The following WASF3 variants were observed in gnomAD, a reference collection of about 807,000 sequenced individuals.
WASF3 encodes the protein actin-binding protein WASF3.
In WASF3, 11 loss-of-function variants were observed where a neutral mutation model predicts 46.6. The ratio of observed to expected loss-of-function variants is 0.24; its 90% confidence interval spans 0.15 to 0.39. WASF3 has a LOEUF of 0.39. Ranked by LOEUF, WASF3 falls within the 10% of genes least tolerant of loss-of-function variation. The pLI is 1.00. For synonymous variants in WASF3, 242 were observed against 259.7 expected, an observed-to-expected ratio of 0.93 and a Z score of 0.65; for missense variants, 576 against 669.8, an observed-to-expected ratio of 0.86 and a Z score of 1.55.
At chr13:26,554,311 G>A (rs1415737692), upstream of WASF3, among the ~76,000 whole-genome samples, 4 of 151,530 alleles carry the variant, frequency 2.6e-5, no homozygotes, top group Non-Finnish European at 5.9e-5. Context: ...TTTAGTTTTT[G>A]CAAAGATGGG....
rs555830196 is a variant in WASF3, at chr13:26,624,744, A to G, written c.-11+11686A>G. Among the ~76,000 whole-genome samples the G allele has an allele frequency of 8.6e-4, 131 of 152,298 alleles. 1 individual carries two copies. The highest frequency in any genetic ancestry group is 3.1e-3 in the African/African-American group (127 of 41,574). ...TTGCAGGCAGCCATAGTTTAAAGAA[A>G]ATGAAACATTACAAACAGAGGAACA... is the stretch of plus-strand genomic sequence containing the variant. On this transcript the variant is annotated intron_variant, in intron 2 of 9. Coordinates refer to ENST00000335327, the MANE Select transcript of WASF3 (RefSeq NM_006646.6).
chr13:26,546,247 C>T, the WASF3 span, among the ~76,000 whole-genome samples: 8 of 152,152 alleles, frequency 5.3e-5, no homozygotes, highest in Middle Eastern at 3.2e-3. Context: ...GAAGCAAAAA[C>T]GCTTGAAGCA....
intron 1 of WASF3, among the ~76,000 whole-genome samples, chr13:26,605,841 G>T (rs962789348): frequency 6.6e-6 from 1 of 152,104 alleles, no homozygotes; most frequent in Non-Finnish European, 1.5e-5. Context: ...TTTTGTTGTG[G>T]TAATGAATAA....
Position 26,613,009 on chromosome 13 carries a change from G to T in WASF3, c.-60G>T, listed in dbSNP as rs1007210170. ...TACTACTGATAACTGAGCCAAAGTG[G>T]TGATGCTACTTGAGGGGAATTTCTG... On this transcript the variant is annotated 5_prime_UTR_variant, in exon 2 of 10. Coordinates refer to ENST00000335327, the MANE Select transcript of WASF3 (RefSeq NM_006646.6). 2 of 152,038 alleles carry T rather than the reference G, an allele frequency of 1.3e-5. No individual in the cohort carries two copies. Among genetic ancestry groups the T allele is most frequent in the African/African-American group, 4.8e-5 (2 of 41,426 alleles). 9.4% of individuals were successfully genotyped at this position (152,038 alleles called of 1,614,324 possible).
chr13:26,654,077 T>TGTCA (rs144189979), intron 3 of WASF3, among the ~76,000 whole-genome samples: 2,091 of 152,302 alleles, frequency 0.014, 54 homozygotes, highest in African/African-American at 0.047. Flanking sequence ...GCTGCCCTGA[T>TGTCA]GTCACTATTC....
intron 1 of WASF3, among the ~76,000 whole-genome samples, chr13:26,597,149 T>G (rs1461856484): frequency 6.6e-6 from 1 of 152,186 alleles, no homozygotes; most frequent in East Asian, 1.9e-4. Context: ...TATTATTATT[T>G]TTTTGAGACA....
chr13:26,582,481 G>A (rs1447700202), intron 1 of WASF3, among the ~76,000 whole-genome samples: 1 of 151,960 alleles, frequency 6.6e-6, no homozygotes, highest in Non-Finnish European at 1.5e-5. Context: ...TTCGAGAACA[G>A]CCTGGGCAAC....
intron 1 of WASF3, among the ~76,000 whole-genome samples, chr13:26,602,228 G>A (rs1880662955): frequency 6.6e-6 from 1 of 152,006 alleles, no homozygotes; most frequent in African/African-American, 2.4e-5. Context: ...GCAGCCTCTG[G>A]GCTTCAGAAA....
In WASF3 at chr13:26,687,300, C is replaced by T. The variant is rs957729165; in HGVS notation, c.*1455C>T. On this transcript the variant is annotated 3_prime_UTR_variant, in exon 10 of 10. Transcript: ENST00000335327. ...TTCATATCCATTGTGGTTAGTTACT[C>T]AGTTATGTTGAGAAGAATCTGGAGC... 3 of 152,156 alleles carry T rather than the reference C, an allele frequency of 2.0e-5. No homozygotes were observed. Among genetic ancestry groups the T allele is most frequent in the African/African-American group, 7.2e-5 (3 of 41,428 alleles). The allele number at this position is 152,156 out of a possible 1,614,324, so 9.4% of individuals were successfully genotyped here.
chr13:26,584,330 A>G (rs920826058), intron 1 of WASF3, among the ~76,000 whole-genome samples: 1 of 152,140 alleles, frequency 6.6e-6, no homozygotes, highest in Non-Finnish European at 1.5e-5. Flanking sequence ...TGTCTTTTTA[A>G]TTCCTGGGAA....
chr13:26,665,411 G>T (rs1007093989), intron 4 of WASF3, among the ~76,000 whole-genome samples: 1 of 152,046 alleles, frequency 6.6e-6, no homozygotes, highest in Non-Finnish European at 1.5e-5. Flanking sequence ...TTGTTTTAAA[G>T]GCTTCTTTGA....
At chr13:26,629,902 A>C (rs1881599756) in intron 2 of WASF3, among the ~76,000 whole-genome samples, 1 of 152,098 alleles carries the variant, frequency 6.6e-6, no homozygotes. Context: ...CTCTGATGTG[A>C]TGGCAGGTCC....
intron 1 of WASF3, among the ~76,000 whole-genome samples, chr13:26,595,005 G>A (rs1158167596): frequency 1.3e-5 from 2 of 152,174 alleles, no homozygotes; most frequent in Non-Finnish European, 2.9e-5. Flanking sequence ...CAGTGTATAA[G>A]TACCTTGATA....
chr13:26,614,937 C>T (rs1204127288), intron 2 of WASF3, among the ~76,000 whole-genome samples: 1 of 94,558 alleles, frequency 1.1e-5, no homozygotes, highest in Non-Finnish European at 2.1e-5. Flanking sequence ...TGTAGAAGCG[C>T]TGTCTGTGTT....
At chr13:26,559,495 A>G (rs1879210439) in intron 1 of WASF3, among the ~76,000 whole-genome samples, 1 of 152,258 alleles carries the variant, frequency 6.6e-6, no homozygotes, top group African/African-American at 2.4e-5. Flanking sequence ...ACACTTTGCT[A>G]AGTGGTCATG....
At chr13:26,565,150 A>T (rs1487102043) in intron 1 of WASF3, among the ~76,000 whole-genome samples, 2 of 148,556 alleles carry the variant, frequency 1.3e-5, no homozygotes, top group Non-Finnish European at 3.0e-5. Flanking sequence ...ACTGTACTCC[A>T]GCCTGGGCAA....
At chr13:26,569,596 T>C (rs1879572873) in intron 1 of WASF3, among the ~76,000 whole-genome samples, 1 of 152,102 alleles carries the variant, frequency 6.6e-6, no homozygotes, top group Non-Finnish European at 1.5e-5. Flanking sequence ...CTTACATGCA[T>C]GTGTTAGGAA....
intron 3 of WASF3, among the ~76,000 whole-genome samples, chr13:26,659,029 A>T (rs1229337536): frequency 6.6e-6 from 1 of 152,216 alleles, no homozygotes; most frequent in Non-Finnish European, 1.5e-5. Context: ...TGGGAGACAG[A>T]TGAGAAACAA....
chr13:26,574,110 TA>T (rs1373295858), intron 1 of WASF3, among the ~76,000 whole-genome samples: 2 of 152,218 alleles, frequency 1.3e-5, no homozygotes, highest in African/African-American at 4.8e-5. Flanking sequence ...TTTTTTGTGA[TA>T]TTTCCATTTT....
Sources: gnomAD v4.1 joint callset for allele counts (sites outside exome capture counted in the v4.1 genomes callset) on GRCh38, gnomAD v4.1.1 for gene constraint, MANE v1.5 for transcripts, NCBI Gene and HGNC (gene_info 2026-07-23, HGNC 2026-07-21) for gene names.